The following KHDRBS2 variants were observed in gnomAD, a reference collection of about 807,000 sequenced individuals.
KHDRBS2 encodes KH RNA binding domain containing, signal transduction associated 2, also known as KH domain-containing, RNA-binding, signal transduction-associated protein 2.
A neutral mutation model predicts 44.3 loss-of-function variants in KHDRBS2; 26 were observed. The observed-to-expected ratio is 0.59, with a 90% CI of 0.43 to 0.81. The LOEUF (loss-of-function observed/expected upper bound fraction) is 0.81. Ranked by LOEUF, KHDRBS2 falls within the 40% of genes least tolerant of loss-of-function variation. The pLI is 0.00. For synonymous variants in KHDRBS2, 194 were observed against 151.1 expected (o/e 1.28, Z -2.08); for missense variants, 476 against 433.1 (o/e 1.10, Z -0.88).
the KHDRBS2 span, among the ~76,000 whole-genome samples, chr6:61,586,756 G>T: frequency 6.6e-6 from 1 of 151,830 alleles, no homozygotes; most frequent in Admixed American, 6.6e-5. Context: ...AGCCAGCCCA[G>T]AAAAAAAAGA....
chr6:62,264,209 T>C (rs1838820088), intron 1 of KHDRBS2, among the ~76,000 whole-genome samples: 1 of 151,794 alleles, frequency 6.6e-6, no homozygotes, highest in South Asian at 2.1e-4. Flanking sequence ...CATCATTTTT[T>C]GAAAAAATAC....
intron 6 of KHDRBS2, among the ~76,000 whole-genome samples, chr6:61,868,332 C>A (rs1195478735): frequency 2.0e-5 from 3 of 152,170 alleles, no homozygotes; most frequent in Admixed American, 6.5e-5. Flanking sequence ...GGCAGACCTC[C>A]CCTCCCTGCC....
At chr6:61,832,633 T>C (rs1792007965) in intron 6 of KHDRBS2, among the ~76,000 whole-genome samples, 1 of 151,886 alleles carries the variant, frequency 6.6e-6, no homozygotes, top group South Asian at 2.1e-4. Flanking sequence ...CTGAGAAGTG[T>C]CATGTTAGGC....
chr6:61,646,018 T>A, the KHDRBS2 span, among the ~76,000 whole-genome samples: 50 of 152,178 alleles, frequency 3.3e-4, no homozygotes, highest in Non-Finnish European at 6.8e-4. Flanking sequence ...TGTGGCAAGT[T>A]ATTTAATCTC....
intron 3 of KHDRBS2, among the ~76,000 whole-genome samples, chr6:62,040,955 C>T (rs945204552): frequency 1.1e-4 from 16 of 152,090 alleles, no homozygotes; most frequent in African/African-American, 3.9e-4. Context: ...AAAAGTTCCA[C>T]AGAATGTGAA....
intron 4 of KHDRBS2, among the ~76,000 whole-genome samples, chr6:61,927,011 T>C (rs1253264837): frequency 2.0e-5 from 3 of 152,060 alleles, no homozygotes; most frequent in Non-Finnish European, 4.4e-5. Context: ...AATCATCTAG[T>C]GCTTATCCAG....
chr6:61,545,265 G>A, the KHDRBS2 span, among the ~76,000 whole-genome samples: 2 of 152,088 alleles, frequency 1.3e-5, no homozygotes, highest in African/African-American at 4.8e-5. Flanking sequence ...GGGTAACAAA[G>A]TGAGACCCCA....
the KHDRBS2 span, among the ~76,000 whole-genome samples, chr6:61,591,537 T>TAG: frequency 6.6e-6 from 1 of 152,150 alleles, no homozygotes; most frequent in Non-Finnish European, 1.5e-5. Context: ...ACTGGTGAGC[T>TAG]GTATCTCGTG....
the KHDRBS2 span, among the ~76,000 whole-genome samples, chr6:61,578,661 T>C: frequency 6.6e-6 from 1 of 152,202 alleles, no homozygotes; most frequent in Admixed American, 6.5e-5. Flanking sequence ...GTCATAGTCA[T>C]AGTGATAAGA....
intron 4 of KHDRBS2, among the ~76,000 whole-genome samples, chr6:61,969,610 G>A (rs771040646): frequency 5.9e-5 from 9 of 151,902 alleles, no homozygotes; most frequent in Admixed American, 1.3e-4. Context: ...CTTATAAAGT[G>A]TCTTTCTAAA....
the KHDRBS2 span, among the ~76,000 whole-genome samples, chr6:61,547,398 T>C: frequency 6.6e-6 from 1 of 152,234 alleles, no homozygotes; most frequent in South Asian, 2.1e-4. Flanking sequence ...TCCTTCAATA[T>C]TTTTGCTGTT....
At chr6:61,794,966 C>G (rs1411611444) in intron 6 of KHDRBS2, among the ~76,000 whole-genome samples, 1 of 151,666 alleles carries the variant, frequency 6.6e-6, no homozygotes, top group Non-Finnish European at 1.5e-5. Flanking sequence ...TGGTGAAACC[C>G]TGTCTCTACT....
At chr6:61,932,349 C>A (rs146153553) in intron 4 of KHDRBS2, among the ~76,000 whole-genome samples, 1 of 152,268 alleles carries the variant, frequency 6.6e-6, no homozygotes, top group Non-Finnish European at 1.5e-5. Context: ...AGTCACCTGG[C>A]GGTACAACAC....
At chr6:61,945,204 G>T (rs1328477034) in intron 4 of KHDRBS2, among the ~76,000 whole-genome samples, 1 of 107,202 alleles carries the variant, frequency 9.3e-6, no homozygotes, top group African/African-American at 3.3e-5. Context: ...TTTTATTAAT[G>T]ATTAAAAATT....
the KHDRBS2 span, among the ~76,000 whole-genome samples, chr6:61,607,148 A>G: frequency 6.6e-6 from 1 of 152,064 alleles, no homozygotes; most frequent in African/African-American, 2.4e-5. Context: ...AAAAAAGGAC[A>G]AAGTAGAGAT....
intron 3 of KHDRBS2, among the ~76,000 whole-genome samples, chr6:61,999,496 G>T (rs1252827897): frequency 2.6e-5 from 4 of 151,964 alleles, no homozygotes; most frequent in Non-Finnish European, 4.4e-5. Flanking sequence ...CACACTTTGG[G>T]TATACCAAAA....
At chr6:61,935,452 A>C (rs6923359) in intron 4 of KHDRBS2, among the ~76,000 whole-genome samples, 2,091 of 152,260 alleles carry the variant, frequency 0.014, 43 homozygotes, top group African/African-American at 0.047. Flanking sequence ...AGCCCACGTT[A>C]TTCTTCAGGG....
chr6:61,768,227 C>T lies in KHDRBS2; in HGVS notation c.811-35463G>A, dbSNP rs369936024. 2.3e-3 allele frequency among the ~76,000 whole-genome samples: 349 copies of T among 152,208 alleles called. 2 individuals are homozygous for T. The highest frequency in any genetic ancestry group is 8.1e-3 in the African/African-American group (336 of 41,552). On this transcript the variant is annotated intron_variant, in intron 6 of 8. Coordinates refer to ENST00000281156, the MANE Select transcript of KHDRBS2 (RefSeq NM_152688.4). ...TGGAAACCTTATGTCAAAAGCCAGA[C>T]GTATTGGAGATCCTTTGCATGTTGT... is the stretch of plus-strand genomic sequence containing the variant.
chr6:61,801,777 C>A (rs887510902), intron 6 of KHDRBS2, among the ~76,000 whole-genome samples: 1 of 152,146 alleles, frequency 6.6e-6, no homozygotes, highest in Non-Finnish European at 1.5e-5. Flanking sequence ...AATATTAAGA[C>A]AGCCCTCAAT....
Sources: allele counts gnomAD v4.1 joint callset (sites outside exome capture counted in the v4.1 genomes callset), GRCh38; gene constraint gnomAD v4.1.1; transcripts MANE v1.5; gene names NCBI Gene and HGNC (gene_info 2026-07-23, HGNC 2026-07-21).